Variants in TBC1D19 observed in about 807,000 individuals in gnomAD.
TBC1D19 encodes TBC1 domain family, member 19.
A neutral mutation model predicts 89.0 loss-of-function variants in TBC1D19; 60 were observed. The observed-to-expected ratio is 0.67, with a 90% confidence interval of 0.55 to 0.84. The LOEUF (loss-of-function observed/expected upper bound fraction) is 0.84. TBC1D19 is among the 40% of genes least tolerant of loss of function. TBC1D19 has a pLI of 0.00. For synonymous variants in TBC1D19, 189 were observed against 199.7 expected (o/e 0.95, Z 0.45); for missense variants, 500 against 610.8 (o/e 0.82, Z 1.91).
chr4:26,622,842 C>G (rs903989973), intron 4 of TBC1D19, among the ~76,000 whole-genome samples: 3 of 152,068 alleles, frequency 2.0e-5, no homozygotes, highest in African/African-American at 7.2e-5. Flanking sequence ...ACTATCTTCC[C>G]TTTCATACAA....
chr4:26,668,986 TAC>T (rs3839171), intron 9 of TBC1D19, among the ~76,000 whole-genome samples: 64,824 of 146,624 alleles, frequency 0.44, 15,025 homozygotes, highest in Admixed American at 0.57. Context: ...TTTAAATACA[TAC>T]ACACACACAC....
intron 6 of TBC1D19, among the ~76,000 whole-genome samples, chr4:26,639,387 T>C (rs1743343071): frequency 6.6e-6 from 1 of 152,132 alleles, no homozygotes; most frequent in African/African-American, 2.4e-5. Context: ...AAGCAGCCTT[T>C]AAAAACATTT....
chr4:26,592,212 T>A (rs1739862491), intron 1 of TBC1D19, among the ~76,000 whole-genome samples: 1 of 152,188 alleles, frequency 6.6e-6, no homozygotes, highest in Non-Finnish European at 1.5e-5. Context: ...TAATCCAGCA[T>A]ATAAACAGAA....
intron 3 of TBC1D19, among the ~76,000 whole-genome samples, chr4:26,617,376 G>T (rs1348937424): frequency 6.6e-6 from 1 of 152,220 alleles, no homozygotes; most frequent in Non-Finnish European, 1.5e-5. Context: ...TAAGTAACTT[G>T]TTGAAGATCA....
At chr4:26,819,955 C>T in the TBC1D19 span, among the ~76,000 whole-genome samples, 1 of 152,168 alleles carries the variant, frequency 6.6e-6, no homozygotes, top group Admixed American at 6.5e-5. Context: ...AATTTCGGTC[C>T]TTTTCTCAAA....
chr4:26,787,743 G>A, the TBC1D19 span, among the ~76,000 whole-genome samples: 30 of 152,186 alleles, frequency 2.0e-4, no homozygotes, highest in Non-Finnish European at 3.8e-4. Flanking sequence ...AAGTAGGAAC[G>A]TTCCCTCTGG....
the TBC1D19 span, among the ~76,000 whole-genome samples, chr4:26,840,894 T>A: frequency 2.6e-5 from 4 of 152,304 alleles, no homozygotes; most frequent in East Asian, 5.8e-4. Context: ...TGAGAAGAGT[T>A]CTTGGCCACC....
the TBC1D19 span, among the ~76,000 whole-genome samples, chr4:26,807,297 G>A: frequency 1.3e-5 from 2 of 152,058 alleles, no homozygotes; most frequent in Admixed American, 6.6e-5. Flanking sequence ...GCCGCCACCC[G>A]CAACAAGACA....
the TBC1D19 span, among the ~76,000 whole-genome samples, chr4:26,782,932 G>T: frequency 1.3e-5 from 2 of 151,948 alleles, no homozygotes; most frequent in African/African-American, 4.8e-5. Flanking sequence ...TCAATTTACT[G>T]CAAAATACGA....
At chr4:26,614,179 TTA>T (rs948311194) in intron 2 of TBC1D19, among the ~76,000 whole-genome samples, 1 of 152,184 alleles carries the variant, frequency 6.6e-6, no homozygotes, top group African/African-American at 2.4e-5. Context: ...AATAATGATA[TTA>T]TTTTAAAATA....
At chr4:26,817,376 A>C in the TBC1D19 span, among the ~76,000 whole-genome samples, 1 of 152,092 alleles carries the variant, frequency 6.6e-6, no homozygotes, top group Non-Finnish European at 1.5e-5. Context: ...TCCTTTAACC[A>C]ACCCCCACTA....
the TBC1D19 span, among the ~76,000 whole-genome samples, chr4:26,832,721 A>T: frequency 2.4e-4 from 36 of 152,234 alleles, no homozygotes; most frequent in African/African-American, 8.7e-4. Context: ...GGATGAAAAC[A>T]TACCCCCTCG....
At chr4:26,708,005 T>C (rs1390219594) in intron 13 of TBC1D19, among the ~76,000 whole-genome samples, 1 of 152,082 alleles carries the variant, frequency 6.6e-6, no homozygotes, top group Non-Finnish European at 1.5e-5. Flanking sequence ...TCTTAAATCA[T>C]ACAGAAAGCA....
intron 14 of TBC1D19, among the ~76,000 whole-genome samples, chr4:26,719,690 C>T (rs1424772746): frequency 6.6e-6 from 1 of 152,104 alleles, no homozygotes; most frequent in Non-Finnish European, 1.5e-5. Context: ...ACTTTCAGCA[C>T]ATTCCATAAA....
intron 4 of TBC1D19, among the ~76,000 whole-genome samples, chr4:26,631,162 G>C (rs1366039044): frequency 6.6e-6 from 1 of 152,000 alleles, no homozygotes; most frequent in Non-Finnish European, 1.5e-5. Context: ...CCAGCAACTG[G>C]GGTCACTTTT....
At chr4:26,577,263 T>A (rs929641965) in intron 1 of TBC1D19, among the ~76,000 whole-genome samples, 2 of 152,024 alleles carry the variant, frequency 1.3e-5, no homozygotes, top group Admixed American at 1.3e-4. Flanking sequence ...GCCAAATCCT[T>A]AAAATCTCTC....
chr4:26,857,112 T>C, the TBC1D19 span, among the ~76,000 whole-genome samples: 1 of 152,368 alleles, frequency 6.6e-6, no homozygotes, highest in East Asian at 1.9e-4. Flanking sequence ...AATGAGTTAC[T>C]TCCACGGTGT....
the TBC1D19 span, among the ~76,000 whole-genome samples, chr4:26,762,389 T>C: frequency 1.3e-5 from 2 of 152,246 alleles, no homozygotes; most frequent in Non-Finnish European, 2.9e-5. Context: ...CTTAGATATG[T>C]AGTGTACATA....
At chr4:26,787,448 G>A in the TBC1D19 span, among the ~76,000 whole-genome samples, 1 of 152,078 alleles carries the variant, frequency 6.6e-6, no homozygotes, top group Non-Finnish European at 1.5e-5. Flanking sequence ...AAGTTTCCAG[G>A]TGGACATGGG....
Sources: gnomAD v4.1 joint callset for allele counts (sites outside exome capture counted in the v4.1 genomes callset) on GRCh38, gnomAD v4.1.1 for gene constraint, MANE v1.5 for transcripts, NCBI Gene and HGNC (gene_info 2026-07-23, HGNC 2026-07-21) for gene names.